The following RRAS2 variants were observed in gnomAD, a reference collection of about 807,000 sequenced individuals.
The protein encoded by RRAS2 is RAS related 2.
A neutral mutation model predicts 27.6 loss-of-function variants in RRAS2; 7 were observed. The ratio of observed to expected loss-of-function variants is 0.25; its 90% CI spans 0.14 to 0.48. RRAS2 has a LOEUF of 0.48. RRAS2 is among the 20% of genes least tolerant of loss of function. The pLI is 0.99. For missense variants in RRAS2, 178 were observed against 256.2 expected, an observed-to-expected ratio of 0.69 and a Z score of 2.08; for synonymous variants, 86 against 90.9, an observed-to-expected ratio of 0.95 and a Z score of 0.31.
intron 1 of RRAS2, among the ~76,000 whole-genome samples, chr11:14,305,275 A>C (rs1732996362): frequency 6.6e-6 from 1 of 152,238 alleles, no homozygotes; most frequent in African/African-American, 2.4e-5. Flanking sequence ...CTATGACAAA[A>C]GTCTGTTTAT....
intron 5 of RRAS2, among the ~76,000 whole-genome samples, chr11:14,280,467 G>A (rs1373605445): frequency 1.1e-4 from 16 of 151,854 alleles, no homozygotes; most frequent in Admixed American, 3.9e-4. Context: ...GGTGGCTCAC[G>A]CTGTAATCCC....
intron 1 of RRAS2, among the ~76,000 whole-genome samples, chr11:14,357,661 C>T (rs1452069241): frequency 2.0e-5 from 3 of 152,132 alleles, no homozygotes; most frequent in African/African-American, 7.2e-5. Flanking sequence ...ACTATAAACA[C>T]TAAGTGAAAT....
chr11:14,285,592 T>A (rs1554944912), intron 4 of RRAS2, among the ~76,000 whole-genome samples: 1 of 152,238 alleles, frequency 6.6e-6, no homozygotes, highest in East Asian at 1.9e-4. Flanking sequence ...CCTAAGGACA[T>A]CTTTTCACAT....
At chr11:14,317,119 G>A (rs1442608992) in intron 1 of RRAS2, among the ~76,000 whole-genome samples, 2 of 152,246 alleles carry the variant, frequency 1.3e-5, no homozygotes, top group Non-Finnish European at 2.9e-5. Flanking sequence ...AGATGTTAAT[G>A]TACTGCCATT....
chr11:14,322,004 A>C (rs1848234586), intron 1 of RRAS2, among the ~76,000 whole-genome samples: 1 of 152,200 alleles, frequency 6.6e-6, no homozygotes, highest in Admixed American at 6.5e-5. Flanking sequence ...ACTATATACT[A>C]TTTAACAGTT....
At chr11:14,321,767 C>T (rs146120237) in intron 1 of RRAS2, among the ~76,000 whole-genome samples, 12 of 152,208 alleles carry the variant, frequency 7.9e-5, no homozygotes, top group Middle Eastern at 3.4e-3. Flanking sequence ...TTAAGCTCAC[C>T]CTTGTTTGAG....
chr11:14,341,517 CCA>C (rs1384786196), intron 1 of RRAS2, among the ~76,000 whole-genome samples: 1 of 151,950 alleles, frequency 6.6e-6, no homozygotes. Context: ...CAAGTTTTAT[CCA>C]CAAATTGAAA....
At chr11:14,281,846 AAC>A (rs1293005864) in intron 4 of RRAS2, 126 bp from the exon 5 acceptor site, 1 of 711,202 alleles carries the variant, frequency 1.4e-6, no homozygotes, top group African/African-American at 1.8e-5. Context: ...AAGGTGAAAC[AAC>A]AGACTTAACA....
intron 4 of RRAS2, among the ~76,000 whole-genome samples, chr11:14,290,393 G>T (rs190357957): frequency 6.6e-6 from 1 of 152,232 alleles, no homozygotes; most frequent in African/African-American, 2.4e-5. Context: ...ATGTTGCAGT[G>T]AGCGGAGATC....
intron 5 of RRAS2, among the ~76,000 whole-genome samples, chr11:14,280,672 G>C (rs1030044197): frequency 8.3e-6 from 1 of 121,080 alleles, no homozygotes; most frequent in Non-Finnish European, 1.6e-5. Flanking sequence ...GTTGTAATGA[G>C]CCGAGATCAC....
At chr11:14,361,264 C>T (rs1554956151), upstream of RRAS2, among the ~76,000 whole-genome samples, 3 of 151,850 alleles carry the variant, frequency 2.0e-5, no homozygotes. Context: ...GATCACACCA[C>T]TGCACTCCCG....
intron 1 of RRAS2, among the ~76,000 whole-genome samples, chr11:14,302,081 C>T (rs901857266): frequency 1.2e-4 from 9 of 72,264 alleles, no homozygotes; most frequent in Non-Finnish European, 3.0e-4. Context: ...CATACACACA[C>T]ACACACACAC....
At chr11:14,298,975 G>A (rs200085538) in intron 1 of RRAS2, among the ~76,000 whole-genome samples, 2 of 152,138 alleles carry the variant, frequency 1.3e-5, no homozygotes, top group Non-Finnish European at 2.9e-5. Flanking sequence ...ATGAAGTGTC[G>A]TGGGTTTAAT....
upstream of RRAS2, among the ~76,000 whole-genome samples, chr11:14,362,149 G>A (rs1340382017): frequency 1.3e-5 from 2 of 152,180 alleles, no homozygotes; most frequent in East Asian, 1.9e-4. Flanking sequence ...AGATAGTGGT[G>A]TTGATTGCAC....
chr11:14,348,966 T>C (rs1185658148), intron 1 of RRAS2, among the ~76,000 whole-genome samples: 1 of 152,098 alleles, frequency 6.6e-6, no homozygotes, highest in African/African-American at 2.4e-5. Context: ...CATACTTCTT[T>C]TTTTGTTTCT....
chr11:14,294,420 A>T, intron 4 of RRAS2, 51 bp downstream of exon 4: 2 of 1,196,708 alleles, frequency 1.7e-6, no homozygotes, highest in South Asian at 1.4e-5. Flanking sequence ...CTATCAGTTC[A>T]CTCACATGAT....
intron 1 of RRAS2, among the ~76,000 whole-genome samples, chr11:14,343,816 AGAGT>A (rs1422702816): frequency 1.3e-5 from 2 of 152,012 alleles, no homozygotes; most frequent in Non-Finnish European, 2.9e-5. Flanking sequence ...CCTGGGTGAC[AGAGT>A]GAGACCCTGT....
intron 1 of RRAS2, among the ~76,000 whole-genome samples, chr11:14,338,713 T>C (rs1848638320): frequency 6.6e-6 from 1 of 151,874 alleles, no homozygotes; most frequent in African/African-American, 2.4e-5. Flanking sequence ...CAAATCCTAA[T>C]TTTTTTTAAA....
chr11:14,293,086 CGACA>C (rs1309293696), intron 4 of RRAS2, among the ~76,000 whole-genome samples: 1 of 131,716 alleles, frequency 7.6e-6, no homozygotes, highest in Admixed American at 8.5e-5. Flanking sequence ...CCAGCCTGGG[CGACA>C]GAACGAGACT....
Sources: gnomAD v4.1 joint callset for allele counts (sites outside exome capture counted in the v4.1 genomes callset) on GRCh38, gnomAD v4.1.1 for gene constraint, MANE v1.5 for transcripts, NCBI Gene and HGNC (gene_info 2026-07-23, HGNC 2026-07-21) for gene names.